The following EHBP1 variants were observed in gnomAD, a reference collection of about 807,000 sequenced individuals.
The protein encoded by EHBP1 is EH domain binding protein 1.
In EHBP1, 55 loss-of-function variants were observed where a neutral mutation model predicts 144.0. The observed-to-expected ratio is 0.38, with a 90% CI of 0.31 to 0.48. The LOEUF (loss-of-function observed/expected upper bound fraction) is 0.48. EHBP1 is among the 20% of genes least tolerant of loss of function. EHBP1 has a pLI of 0.98. For synonymous variants in EHBP1, 469 were observed against 472.7 expected (o/e 0.99, Z 0.10); for missense variants, 1,200 against 1,364.2 (o/e 0.88, Z 1.90).
chr2:63,009,741 G>A (rs1347128399), intron 19 of EHBP1, among the ~76,000 whole-genome samples: 1 of 151,498 alleles, frequency 6.6e-6, no homozygotes, highest in African/African-American at 2.4e-5. Context: ...CTGCTGTACA[G>A]TAGTCCCTCC....
chr2:62,696,814 A>G (rs2034118153), intron 1 of EHBP1, among the ~76,000 whole-genome samples: 1 of 151,894 alleles, frequency 6.6e-6, no homozygotes. Context: ...ACCACGCCTG[A>G]CCTTTTTTTC....
intron 1 of EHBP1, among the ~76,000 whole-genome samples, chr2:62,686,825 C>A (rs181201619): frequency 6.6e-6 from 1 of 152,290 alleles, no homozygotes; most frequent in South Asian, 2.1e-4. Flanking sequence ...GTGCAGTGTA[C>A]AAAAGTTGTC....
At chr2:62,922,876 T>C (rs2055194428) in intron 10 of EHBP1, among the ~76,000 whole-genome samples, 1 of 152,136 alleles carries the variant, frequency 6.6e-6, no homozygotes, top group African/African-American at 2.4e-5. Context: ...GCAGAAGATC[T>C]CCATTAACCC....
At chr2:62,842,996 AAAC>A (rs2048027278) in intron 7 of EHBP1, among the ~76,000 whole-genome samples, 6 of 152,360 alleles carry the variant, frequency 3.9e-5, no homozygotes, top group Admixed American at 3.3e-4. Context: ...CTTGTTGATT[AAAC>A]ATATACTATT....
Position 63,045,766 on chromosome 2 carries a change from A to G in EHBP1, c.*266A>G, listed in dbSNP as rs2061931329. 1 of 406,176 alleles carries G rather than the reference A, an allele frequency of 2.5e-6. No homozygotes were observed. Among genetic ancestry groups the G allele is most frequent in the African/African-American group, 2.0e-5 (1 of 49,082 alleles). 25.2% of individuals were successfully genotyped at this position (406,176 alleles called of 1,614,324 possible). On this transcript the variant is annotated 3_prime_UTR_variant, in exon 23 of 23. Coordinates refer to ENST00000431489, the MANE Select transcript of EHBP1 (RefSeq NM_001142616.3). This position sits in a 1 kb window ranked among gnomAD's most constrained non-coding sequence, Gnocchi z 5.7. ...AATAGATTTGCACAGACACCTTGTG[A>G]GTGATTGGTATTGGAGGTGTTCAAG...
intron 7 of EHBP1, among the ~76,000 whole-genome samples, chr2:62,838,478 A>G (rs961661794): frequency 2.0e-5 from 3 of 152,168 alleles, no homozygotes; most frequent in Non-Finnish European, 4.4e-5. Context: ...GAAGGCAAGA[A>G]ACAACTAAAA....
At chr2:62,997,639 A>C (rs2059694265) in intron 19 of EHBP1, among the ~76,000 whole-genome samples, 1 of 152,174 alleles carries the variant, frequency 6.6e-6, no homozygotes, top group Non-Finnish European at 1.5e-5. Flanking sequence ...AAAATACAGT[A>C]GATTAGCATG....
chr2:62,696,537 G>A (rs1478215515), intron 1 of EHBP1, among the ~76,000 whole-genome samples: 5 of 97,264 alleles, frequency 5.1e-5, no homozygotes, highest in East Asian at 6.0e-4. Flanking sequence ...TTTTTGAGAC[G>A]GAGTCTCACT....
At chr2:63,021,763 A>G (rs1349151917) in intron 19 of EHBP1, among the ~76,000 whole-genome samples, 2 of 151,866 alleles carry the variant, frequency 1.3e-5, no homozygotes, top group African/African-American at 2.4e-5. Flanking sequence ...AGTTTCCCCA[A>G]ATGGAAACTT....
intron 5 of EHBP1, among the ~76,000 whole-genome samples, chr2:62,809,958 T>A (rs1162798684): frequency 6.6e-6 from 1 of 152,198 alleles, no homozygotes; most frequent in African/African-American, 2.4e-5. Flanking sequence ...CAAAGGGACA[T>A]ACATGTTTAA....
rs891274167 is a variant in EHBP1 at position 63,045,152 on chromosome 2, G to A, written c.3364G>A (p.Val1122Ile). ...CCTGGTGAACAAGCGCGATGCGCTC[G>A]TCAGGGACCTGGACGCGCAGGAGAA... ...VALVNKRDAL[V>I]RDLDAQEKQA... Residue 1122 changes from valine to isoleucine, a missense_variant, in exon 22 of 23, where the codon GTC becomes ATC. Physicochemically the swap from Val to Ile is conservative, Grantham distance 29. Coordinates refer to ENST00000431489, the MANE Select transcript of EHBP1 (RefSeq NM_001142616.3). This position sits in a 1 kb window ranked among gnomAD's most constrained non-coding sequence, Gnocchi z 5.7. 6 of 1,595,008 alleles carry A rather than the reference G, an allele frequency of 3.8e-6. No individual in the cohort carries two copies. Among genetic ancestry groups the A allele is most frequent in the East Asian group, 2.3e-5 (1 of 43,900 alleles).
At chr2:62,774,274 G>A (rs1011669752) in intron 5 of EHBP1, among the ~76,000 whole-genome samples, 3 of 151,842 alleles carry the variant, frequency 2.0e-5, no homozygotes, top group African/African-American at 4.8e-5. Flanking sequence ...AGGAGGCTGA[G>A]GCTGAAAAAT....
rs527674337 is a variant in EHBP1, at chr2:62,825,533, A to G, written c.313-554A>G. On this transcript the variant is annotated intron_variant, in intron 5 of 22. Transcript: ENST00000431489. The stretch of plus-strand genomic sequence containing the variant: ...GCTTTTATGGGAGAGACAACTATGG[A>G]CTGAACAATAAAAAAAAGGCCTGGG... 2.6e-5 allele frequency among the ~76,000 whole-genome samples: 4 copies of G among 151,828 alleles called. No homozygotes were observed. The South Asian group carries it at 8.3e-4, about 32-fold the overall frequency.
chr2:62,855,441 C>T (rs527598984), intron 7 of EHBP1, among the ~76,000 whole-genome samples: 2 of 152,248 alleles, frequency 1.3e-5, no homozygotes, highest in Non-Finnish European at 2.9e-5. Context: ...TGAATGGCAG[C>T]AGGAGGTAGG....
intron 21 of EHBP1, among the ~76,000 whole-genome samples, chr2:63,041,401 T>C (rs907424329): frequency 6.6e-6 from 1 of 152,178 alleles, no homozygotes; most frequent in Non-Finnish European, 1.5e-5. Context: ...GGGTGGGCTT[T>C]TAGAAAGTGG....
chr2:63,010,558 A>G (rs369473278), intron 19 of EHBP1, among the ~76,000 whole-genome samples: 1 of 151,694 alleles, frequency 6.6e-6, no homozygotes, highest in East Asian at 1.9e-4. Flanking sequence ...AACCTTTTGT[A>G]ATTTAGACTC....
chr2:62,964,978 A>G (rs2058175189), intron 14 of EHBP1: 1 of 152,666 alleles, frequency 6.6e-6, no homozygotes, highest in Admixed American at 6.5e-5. Flanking sequence ...GGTCAAGGTA[A>G]TTATAATACC....
chr2:63,046,487 A>G lies in EHBP1; in HGVS notation c.*987A>G, dbSNP rs1392327422. 6.6e-6 allele frequency: 1 copy of G among 152,654 alleles called. No individual in the cohort carries two copies. Among genetic ancestry groups the G allele is most frequent in the African/African-American group, 2.4e-5 (1 of 41,454 alleles). The allele number at this position is 152,654 out of a possible 1,614,324, so 9.5% of individuals were successfully genotyped here. A position where few individuals can be genotyped will look rare whatever the true frequency, so the allele number is the denominator to read the frequency against. Reference sequence around the variant, plus strand: ...AAAAGCAGAAACTTTCTTACCTTAAACACGGCTGCTACTTTCTTGCAATGA... The same window carrying G: ...AAAAGCAGAAACTTTCTTACCTTAAGCACGGCTGCTACTTTCTTGCAATGA... On this transcript the variant is annotated 3_prime_UTR_variant, in exon 23 of 23. Coordinates refer to ENST00000431489, the MANE Select transcript of EHBP1 (RefSeq NM_001142616.3).
intron 1 of EHBP1, among the ~76,000 whole-genome samples, chr2:62,679,514 C>A (rs974888765): frequency 2.6e-5 from 4 of 152,092 alleles, no homozygotes; most frequent in African/African-American, 9.7e-5. Flanking sequence ...TCTTTTATCT[C>A]TCCCTACCCC....
Sources: gnomAD v4.1 joint callset for allele counts (sites outside exome capture counted in the v4.1 genomes callset) on GRCh38, gnomAD v4.1.1 for gene constraint, Gnocchi (gnomAD v3.1) non-coding constraint, MANE v1.5 for transcripts, NCBI Gene and HGNC (gene_info 2026-07-23, HGNC 2026-07-21) for gene names.